Variants in LRP1B observed in about 807,000 individuals in gnomAD.
LRP1B encodes the protein low-density lipoprotein receptor-related protein 1B.
LRP1B carries 217 observed loss-of-function variants against 556.6 expected under a neutral mutation model. The ratio of observed to expected loss-of-function variants is 0.39; its 90% CI spans 0.35 to 0.44. LRP1B has a LOEUF of 0.44. LRP1B is among the 20% of genes least tolerant of loss of function. The probability of loss-of-function intolerance (pLI) is 1.00; values close to 1 mark genes in which losing one functional copy is unlikely to be tolerated. For missense variants in LRP1B, 5,053 were observed against 5,620.8 expected (o/e 0.90, Z 3.23); for synonymous variants, 2,047 against 1,865.8 (o/e 1.10, Z -2.50).
intron 2 of LRP1B, among the ~76,000 whole-genome samples, chr2:141,757,617 A>C (rs927434743): frequency 6.6e-6 from 1 of 152,092 alleles, no homozygotes; most frequent in Admixed American, 6.5e-5. Context: ...CAGTGGTATG[A>C]TCATAGTTCA....
At chr2:140,353,572 C>G in intron 75 of LRP1B, among the ~76,000 whole-genome samples, 1 of 152,140 alleles carries the variant, frequency 6.6e-6, no homozygotes, top group Admixed American at 6.6e-5. Context: ...CCCTTGCCCA[C>G]TTTTCCATAC....
chr2:141,437,978 A>G (rs1680825872), intron 3 of LRP1B, among the ~76,000 whole-genome samples: 3 of 152,100 alleles, frequency 2.0e-5, no homozygotes, highest in African/African-American at 7.2e-5. Context: ...AATTGTACAT[A>G]AAATTCTTCT....
At chr2:140,246,526 CA>C (rs5834725) in intron 87 of LRP1B, among the ~76,000 whole-genome samples, 1 of 149,958 alleles carries the variant, frequency 6.7e-6, no homozygotes, top group Non-Finnish European at 1.5e-5. Context: ...TATGGCTGCA[CA>C]AAAAAAAATT....
Position 141,401,786 on chromosome 2 carries a change from G to A in LRP1B, c.343+78610C>T, listed in dbSNP as rs1337379463. 3.9e-5 allele frequency among the ~76,000 whole-genome samples: 6 copies of A among 151,958 alleles called. No homozygotes were observed. In the South Asian group the frequency reaches 8.3e-4, roughly 21 times the overall value. On this transcript the variant is annotated intron_variant, in intron 3 of 90. Transcript: ENST00000389484. ...TTTATCACATTTTCATACAGTGGGGGGAAAAATACCTGGCACTACCATATG... is the reference window on the plus strand; with the variant it reads ...TTTATCACATTTTCATACAGTGGGGAGAAAAATACCTGGCACTACCATATG...
At chr2:141,271,998 G>T (rs1224527977) in intron 3 of LRP1B, among the ~76,000 whole-genome samples, 1 of 151,972 alleles carries the variant, frequency 6.6e-6, no homozygotes, top group Non-Finnish European at 1.5e-5. Flanking sequence ...ACATCAGATT[G>T]TAATCCACAG....
intron 1 of LRP1B, among the ~76,000 whole-genome samples, chr2:142,053,598 C>T (rs536322660): frequency 1.1e-4 from 17 of 152,150 alleles, no homozygotes; most frequent in Middle Eastern, 3.4e-3. Flanking sequence ...GAACACTGAA[C>T]GTGTAGGACT....
intron 7 of LRP1B, among the ~76,000 whole-genome samples, chr2:141,081,058 C>G (rs1699909920): frequency 6.6e-6 from 1 of 152,164 alleles, no homozygotes; most frequent in African/African-American, 2.4e-5. Context: ...GTTGTGAACT[C>G]TGGAGCTCAA....
intron 3 of LRP1B, among the ~76,000 whole-genome samples, chr2:141,408,297 C>A (rs1690713975): frequency 6.6e-6 from 1 of 151,954 alleles, no homozygotes; most frequent in African/African-American, 2.4e-5. Context: ...TACCCGCCAC[C>A]ACGCGCAGCT....
At chr2:141,627,051 T>A (rs1688726448) in intron 2 of LRP1B, among the ~76,000 whole-genome samples, 1 of 152,210 alleles carries the variant, frequency 6.6e-6, no homozygotes, top group Non-Finnish European at 1.5e-5. Context: ...AATCAAGATG[T>A]TCTTCAGAGG....
At chr2:140,728,071 T>G (rs963516844) in intron 35 of LRP1B, among the ~76,000 whole-genome samples, 1 of 152,194 alleles carries the variant, frequency 6.6e-6, no homozygotes, top group African/African-American at 2.4e-5. Flanking sequence ...CATTCTCTTT[T>G]AAATTACTAT....
chr2:141,303,072 A>C (rs1380983253), intron 3 of LRP1B, among the ~76,000 whole-genome samples: 4 of 152,246 alleles, frequency 2.6e-5, no homozygotes, highest in Non-Finnish European at 4.4e-5. Context: ...TATTCAATTT[A>C]ATACCCATAT....
intron 2 of LRP1B, among the ~76,000 whole-genome samples, chr2:141,678,911 G>A (rs894439639): frequency 4.6e-5 from 7 of 152,106 alleles, no homozygotes; most frequent in Admixed American, 3.9e-4. Flanking sequence ...TATGTGGATG[G>A]ACCTAGTAAC....
intron 2 of LRP1B, among the ~76,000 whole-genome samples, chr2:141,730,511 A>C (rs911588251): frequency 2.0e-5 from 3 of 152,138 alleles, no homozygotes; most frequent in African/African-American, 7.2e-5. Context: ...TCTACATTTG[A>C]AGGCTACCCC....
chr2:140,702,077 G>T (rs117419274), intron 39 of LRP1B, 64 bp downstream of exon 39: 1 of 1,557,146 alleles, frequency 6.4e-7, no homozygotes, highest in African/African-American at 1.4e-5. Context: ...AATCCTACAA[G>T]GGTAAAGCAA....
At chr2:141,635,195 GAC>G (rs1210345923) in intron 2 of LRP1B, among the ~76,000 whole-genome samples, 2 of 152,102 alleles carry the variant, frequency 1.3e-5, no homozygotes, top group Middle Eastern at 3.4e-3. Context: ...ATGAGTGAAA[GAC>G]AGTTTTCCCC....
chr2:141,349,920 A>C (rs1688385169), intron 3 of LRP1B, among the ~76,000 whole-genome samples: 1 of 152,094 alleles, frequency 6.6e-6, no homozygotes, highest in Non-Finnish European at 1.5e-5. Flanking sequence ...CACACCCAAG[A>C]CTGGACAATT....
chr2:141,116,779 C>A (rs74648788), intron 7 of LRP1B, among the ~76,000 whole-genome samples: 11 of 151,776 alleles, frequency 7.2e-5, no homozygotes, highest in Non-Finnish European at 1.2e-4. Context: ...TTGACAAAAA[C>A]CATTTTGTCC....
chr2:141,044,907 A>G (rs1462747488), intron 11 of LRP1B, among the ~76,000 whole-genome samples: 4 of 151,490 alleles, frequency 2.6e-5, no homozygotes, highest in Non-Finnish European at 5.9e-5. Context: ...TGACCCAGCC[A>G]TCCCATTACT....
At chr2:140,332,616 T>G (rs1280452648) in intron 79 of LRP1B, among the ~76,000 whole-genome samples, 1 of 152,078 alleles carries the variant, frequency 6.6e-6, no homozygotes, top group Non-Finnish European at 1.5e-5. Flanking sequence ...GGCCAATTAA[T>G]GATTGATGGG....
Sources: gnomAD v4.1 joint callset for allele counts (sites outside exome capture counted in the v4.1 genomes callset) on GRCh38, gnomAD v4.1.1 for gene constraint, MANE v1.5 for transcripts, NCBI Gene and HGNC (gene_info 2026-07-23, HGNC 2026-07-21) for gene names.